Variants in USP12 observed in about 807,000 individuals in gnomAD.
The protein encoded by USP12 is ubiquitin carboxyl-terminal hydrolase 12.
USP12 carries 19 observed loss-of-function variants against 45.5 expected under a neutral mutation model. That is an observed-to-expected ratio of 0.42 (90% CI 0.29 to 0.61). The LOEUF (loss-of-function observed/expected upper bound fraction) is 0.61. USP12 is among the 20% of genes least tolerant of loss of function. USP12 has a pLI of 0.22. For synonymous variants in USP12, 149 were observed against 148.8 expected, an observed-to-expected ratio of 1.00 and a Z score of -0.01; for missense variants, 242 against 447.7, an observed-to-expected ratio of 0.54 and a Z score of 4.15.
chr13:27,170,346 T>C, intron 1 of USP12: 1 of 398,582 alleles, frequency 2.5e-6, no homozygotes, highest in Non-Finnish European at 4.4e-6. Context: ...GAAAAATATA[T>C]ACAATGTACC....
intron 1 of USP12, among the ~76,000 whole-genome samples, chr13:27,152,169 A>T (rs993938472): frequency 6.6e-6 from 1 of 152,236 alleles, no homozygotes; most frequent in Admixed American, 6.5e-5. Flanking sequence ...GTCCATAAAA[A>T]GCTTGCACCC....
intron 2 of USP12, among the ~76,000 whole-genome samples, chr13:27,111,812 G>C (rs1002055533): frequency 1.6e-4 from 25 of 152,176 alleles, no homozygotes; most frequent in Non-Finnish European, 5.9e-5. Context: ...TGAGAGCAAT[G>C]AGATTGAGTA....
intron 1 of USP12, among the ~76,000 whole-genome samples, chr13:27,171,175 C>A (rs1238110315): frequency 6.6e-6 from 1 of 151,228 alleles, no homozygotes; most frequent in Admixed American, 6.6e-5. Context: ...TCCCCGACGA[C>A]CCCGGCCCGG....
At chr13:27,126,896 C>T (rs1171070140) in intron 1 of USP12, among the ~76,000 whole-genome samples, 1 of 152,210 alleles carries the variant, frequency 6.6e-6, no homozygotes, top group Non-Finnish European at 1.5e-5. Flanking sequence ...CAATGCCTGG[C>T]ACAACAGGCA....
chr13:27,083,051 T>A (rs897841668), intron 6 of USP12, among the ~76,000 whole-genome samples: 6 of 152,156 alleles, frequency 3.9e-5, no homozygotes, highest in Admixed American at 1.3e-4. Context: ...GTCAGGCTGG[T>A]CTCAAACTCC....
chr13:27,142,496 C>A (rs1311294179), intron 1 of USP12, among the ~76,000 whole-genome samples: 4 of 151,990 alleles, frequency 2.6e-5, no homozygotes, highest in Non-Finnish European at 5.9e-5. Context: ...AGAGAATGTC[C>A]CTGTTACTGG....
At chr13:27,117,652 C>A in intron 1 of USP12, 2 of 389,078 alleles carry the variant, frequency 5.1e-6, no homozygotes, top group Admixed American at 2.5e-5. Flanking sequence ...GAAAGCAGAC[C>A]GAAGAATGTA....
At chr13:27,084,388 C>T (rs1270680263) in intron 6 of USP12, among the ~76,000 whole-genome samples, 1 of 151,468 alleles carries the variant, frequency 6.6e-6, no homozygotes, top group African/African-American at 2.4e-5. Flanking sequence ...CACCTGTAGT[C>T]CCAGCTACTC....
intron 1 of USP12, among the ~76,000 whole-genome samples, chr13:27,136,428 G>C (rs1876808227): frequency 6.6e-6 from 1 of 152,162 alleles, no homozygotes; most frequent in African/African-American, 2.4e-5. Flanking sequence ...AACCGGGGAG[G>C]CGGAGGTTGC....
chr13:27,102,252 AT>A (rs1874900802), intron 3 of USP12, among the ~76,000 whole-genome samples: 1 of 152,144 alleles, frequency 6.6e-6, no homozygotes, highest in African/African-American at 2.4e-5. Flanking sequence ...TCACCATCCT[AT>A]GTTGTATTTC....
At chr13:27,086,604 C>T (rs1365991617) in intron 6 of USP12, among the ~76,000 whole-genome samples, 1 of 151,984 alleles carries the variant, frequency 6.6e-6, no homozygotes, top group Non-Finnish European at 1.5e-5. Flanking sequence ...AAACAAAGAG[C>T]TCGATTTTAC....
chr13:27,121,307 A>T (rs1875973119), intron 1 of USP12, among the ~76,000 whole-genome samples: 2 of 131,714 alleles, frequency 1.5e-5, no homozygotes. Flanking sequence ...ATGTGATCTT[A>T]AAAAAAAAAA....
In USP12 at chr13:27,119,646, A is replaced by T. The variant is rs539415675; in HGVS notation, c.49-3050T>A. Among the ~76,000 whole-genome samples the T allele has an allele frequency of 4.6e-5, 7 of 152,350 alleles. No homozygotes were observed. In the South Asian group the frequency reaches 8.3e-4, roughly 18 times the overall value. Reference sequence around the variant, plus strand: ...CTCACTCAACATTCTATCGTTTCCGATCACTTTCATGAATGCTTCTGAAGA... The same window carrying T: ...CTCACTCAACATTCTATCGTTTCCGTTCACTTTCATGAATGCTTCTGAAGA... On this transcript the variant is annotated intron_variant, in intron 1 of 8. Transcript: ENST00000282344.
At chr13:27,084,217 C>CAA (rs1305676979) in intron 6 of USP12, among the ~76,000 whole-genome samples, 4 of 99,028 alleles carry the variant, frequency 4.0e-5, no homozygotes, top group Non-Finnish European at 4.4e-5. Flanking sequence ...CACACACACA[C>CAA]AAATTCCTGT....
intron 6 of USP12, among the ~76,000 whole-genome samples, chr13:27,086,979 T>TA (rs1215465898): frequency 6.6e-6 from 1 of 152,090 alleles, no homozygotes; most frequent in Non-Finnish European, 1.5e-5. Flanking sequence ...TATAATCACT[T>TA]AAAAATCTGA....
intron 1 of USP12, among the ~76,000 whole-genome samples, chr13:27,117,546 G>A (rs1156633525): frequency 6.6e-6 from 1 of 151,786 alleles, no homozygotes; most frequent in South Asian, 2.1e-4. Context: ...TTTACACACA[G>A]AAACATGAGT....
intron 1 of USP12, among the ~76,000 whole-genome samples, chr13:27,127,855 T>C (rs528386181): frequency 2.2e-4 from 33 of 152,356 alleles, no homozygotes; most frequent in African/African-American, 7.7e-4. Flanking sequence ...ACTCCACTTA[T>C]GTAATAAAAA....
chr13:27,167,857 A>G (rs915988897), intron 1 of USP12, among the ~76,000 whole-genome samples: 3 of 152,080 alleles, frequency 2.0e-5, no homozygotes, highest in African/African-American at 7.2e-5. Flanking sequence ...TTTTTTCAGT[A>G]GTAAGGATAA....
chr13:27,159,881 T>C (rs1878025336), intron 1 of USP12, among the ~76,000 whole-genome samples: 1 of 152,146 alleles, frequency 6.6e-6, no homozygotes, highest in Non-Finnish European at 1.5e-5. Context: ...GTATAATAAC[T>C]ACAACCCAGT....
Sources: allele counts gnomAD v4.1 joint callset (sites outside exome capture counted in the v4.1 genomes callset), GRCh38; gene constraint gnomAD v4.1.1; transcripts MANE v1.5; gene names NCBI Gene and HGNC (gene_info 2026-07-23, HGNC 2026-07-21).